NXPE2: variants seen among roughly 807,000 people sequenced by gnomAD.
NXPE2 encodes the protein NXPE family member 2.
In NXPE2, 34 loss-of-function variants were observed where a neutral mutation model predicts 34.4. That is an observed-to-expected ratio of 0.99 (90% CI 0.75 to 1.31). NXPE2 has a LOEUF of 1.31. Among genes scored for constraint, NXPE2 ranks in the 40% most tolerant of loss-of-function variants. NXPE2 has a pLI of 0.00. For missense variants in NXPE2, 649 were observed against 672.5 expected (o/e 0.97, Z 0.39); for synonymous variants, 235 against 231.3 (o/e 1.02, Z -0.15).
At chr11:114,471,074 C>T in the NXPE2 span, among the ~76,000 whole-genome samples, 31 of 152,224 alleles carry the variant, frequency 2.0e-4, no homozygotes, top group Admixed American at 3.3e-4. Context: ...ATCTTTTCTC[C>T]CAGCCTGGGT....
the NXPE2 span, among the ~76,000 whole-genome samples, chr11:114,656,577 T>C: frequency 1.3e-5 from 2 of 152,018 alleles, no homozygotes; most frequent in African/African-American, 2.4e-5. Flanking sequence ...GATAAGTTAA[T>C]TGCATGAAAA....
At chr11:114,639,462 G>A in the NXPE2 span, among the ~76,000 whole-genome samples, 2 of 151,556 alleles carry the variant, frequency 1.3e-5, no homozygotes, top group Admixed American at 6.6e-5. Context: ...CATGCACGCT[G>A]CGCTGCCCCC....
At chr11:114,623,996 G>T in the NXPE2 span, among the ~76,000 whole-genome samples, 4 of 152,108 alleles carry the variant, frequency 2.6e-5, no homozygotes, top group Non-Finnish European at 5.9e-5. Context: ...GGTAACCACT[G>T]TTACCCGGTG....
At chr11:114,741,772 C>T in the NXPE2 span, among the ~76,000 whole-genome samples, 1 of 152,162 alleles carries the variant, frequency 6.6e-6, no homozygotes, top group African/African-American at 2.4e-5. Context: ...TGTCTTAAAA[C>T]AATATTTTTC....
chr11:114,553,727 T>C, the NXPE2 span: 1 of 985,294 alleles, frequency 1.0e-6, no homozygotes, highest in Non-Finnish European at 1.2e-6. Context: ...CATATCCCAG[T>C]GTCTTTAAGA....
chr11:114,716,363 A>T, the NXPE2 span, among the ~76,000 whole-genome samples: 1 of 152,146 alleles, frequency 6.6e-6, no homozygotes, highest in African/African-American at 2.4e-5. Flanking sequence ...TGCTCCATGG[A>T]GATCACTCCA....
chr11:114,601,121 C>A, the NXPE2 span, among the ~76,000 whole-genome samples: 1 of 151,650 alleles, frequency 6.6e-6, no homozygotes, highest in African/African-American at 2.4e-5. Flanking sequence ...ACTTTAGGGG[C>A]ACAAGTGATT....
the NXPE2 span, among the ~76,000 whole-genome samples, chr11:114,719,952 C>T: frequency 6.6e-6 from 1 of 152,222 alleles, no homozygotes; most frequent in African/African-American, 2.4e-5. Context: ...AGTGCCTGGA[C>T]ATATATCCTT....
At chr11:114,798,572 C>T in the NXPE2 span, among the ~76,000 whole-genome samples, 8 of 152,248 alleles carry the variant, frequency 5.3e-5, no homozygotes, top group Non-Finnish European at 8.8e-5. Flanking sequence ...TTAGTACAGA[C>T]GGGGTTTCAC....
chr11:114,758,017 C>G, the NXPE2 span, among the ~76,000 whole-genome samples: 30 of 152,072 alleles, frequency 2.0e-4, no homozygotes, highest in Non-Finnish European at 1.5e-5. Flanking sequence ...TGTTTGATTG[C>G]CTTTGGCATT....
intron 3 of NXPE2, among the ~76,000 whole-genome samples, chr11:114,700,779 G>C (rs1951351418): frequency 6.6e-6 from 1 of 152,150 alleles, no homozygotes; most frequent in Non-Finnish European, 1.5e-5. Flanking sequence ...CTTCAAGCAA[G>C]AATAGAGCAT....
At chr11:114,754,459 C>T in the NXPE2 span, among the ~76,000 whole-genome samples, 1 of 152,224 alleles carries the variant, frequency 6.6e-6, no homozygotes, top group Non-Finnish European at 1.5e-5. Flanking sequence ...TAGACATCTG[C>T]TCGCTTGAAT....
chr11:114,542,593 G>A, the NXPE2 span, among the ~76,000 whole-genome samples: 3 of 152,232 alleles, frequency 2.0e-5, no homozygotes, highest in African/African-American at 7.2e-5. Flanking sequence ...ATGAAAAGCA[G>A]AATTAGCTTG....
chr11:114,677,345 T>C (rs541368404), upstream of NXPE2, among the ~76,000 whole-genome samples: 2 of 152,230 alleles, frequency 1.3e-5, no homozygotes, highest in Admixed American at 1.3e-4. Context: ...TAGTAATCAC[T>C]TCACAATGTC....
At chr11:114,518,252 C>T in the NXPE2 span, 1 of 152,342 alleles carries the variant, frequency 6.6e-6, no homozygotes, top group East Asian at 1.9e-4. Flanking sequence ...TCTCCGAGAT[C>T]TGCTGAGAGG....
the NXPE2 span, among the ~76,000 whole-genome samples, chr11:114,774,873 G>C: frequency 6.6e-6 from 1 of 152,210 alleles, no homozygotes; most frequent in Non-Finnish European, 1.5e-5. Context: ...GACCTTGACT[G>C]TGTCTATGAG....
At chr11:114,497,177 A>G in the NXPE2 span, among the ~76,000 whole-genome samples, 1 of 152,166 alleles carries the variant, frequency 6.6e-6, no homozygotes, top group East Asian at 1.9e-4. Flanking sequence ...AGACAGTGAT[A>G]TTGATGATCC....
At chr11:114,525,635 G>C in the NXPE2 span, among the ~76,000 whole-genome samples, 2 of 152,152 alleles carry the variant, frequency 1.3e-5, no homozygotes, top group Non-Finnish European at 2.9e-5. Flanking sequence ...CTTCTGTGCA[G>C]CACAGTGAAG....
chr11:114,715,002 CAG>C, the NXPE2 span, among the ~76,000 whole-genome samples: 3 of 152,144 alleles, frequency 2.0e-5, no homozygotes, highest in Middle Eastern at 3.2e-3. Flanking sequence ...GCCTGGGCGA[CAG>C]AGAGAGACTC....
Sources: allele counts gnomAD v4.1 joint callset (sites outside exome capture counted in the v4.1 genomes callset), GRCh38; gene constraint gnomAD v4.1.1; transcripts MANE v1.5; gene names NCBI Gene and HGNC (gene_info 2026-07-23, HGNC 2026-07-21).